Variants in TSPAN5 observed in about 807,000 individuals in gnomAD.
TSPAN5 encodes the protein tetraspanin-5.
TSPAN5 carries 10 observed loss-of-function variants against 37.1 expected under a neutral mutation model. That is an observed-to-expected ratio of 0.27 (90% CI 0.17 to 0.46). TSPAN5 has a LOEUF of 0.46. TSPAN5 is among the 20% of genes least tolerant of loss of function. The pLI is 1.00. For synonymous variants in TSPAN5, 110 were observed against 118.9 expected, an observed-to-expected ratio of 0.93 and a Z score of 0.48; for missense variants, 195 against 326.6, an observed-to-expected ratio of 0.60 and a Z score of 3.11.
chr4:98,615,273 C>A (rs986729589), intron 1 of TSPAN5, among the ~76,000 whole-genome samples: 4 of 152,192 alleles, frequency 2.6e-5, no homozygotes, highest in African/African-American at 4.8e-5. Flanking sequence ...GGACAGGCTG[C>A]CCCTGTTCAA....
chr4:98,592,391 G>A (rs1352068359), intron 1 of TSPAN5, among the ~76,000 whole-genome samples: 1 of 149,202 alleles, frequency 6.7e-6, no homozygotes, highest in African/African-American at 2.5e-5. Context: ...CAATCAGAAA[G>A]GGCCTGGTTT....
intron 2 of TSPAN5, among the ~76,000 whole-genome samples, chr4:98,490,931 A>G (rs1157639390): frequency 2.0e-5 from 3 of 152,050 alleles, no homozygotes; most frequent in Non-Finnish European, 2.9e-5. Flanking sequence ...GCGTGGCAGC[A>G]CGCGCCTGTA....
chr4:98,560,002 ATTC>A (rs1202948427), intron 1 of TSPAN5, among the ~76,000 whole-genome samples: 1 of 152,234 alleles, frequency 6.6e-6, no homozygotes, highest in Admixed American at 6.5e-5. Flanking sequence ...CTTAAAATTA[ATTC>A]TTATCATTTT....
intron 1 of TSPAN5, among the ~76,000 whole-genome samples, chr4:98,563,538 A>T (rs9992662): frequency 0.014 from 2,089 of 152,310 alleles, 38 homozygotes; most frequent in African/African-American, 0.048. Flanking sequence ...TAACGATGAC[A>T]ATGATGAAAA....
chr4:98,588,333 G>A (rs1399994268), intron 1 of TSPAN5, among the ~76,000 whole-genome samples: 1 of 151,506 alleles, frequency 6.6e-6, no homozygotes, highest in African/African-American at 2.4e-5. Context: ...ACAGAAATCT[G>A]TTTCCACCGT....
intron 2 of TSPAN5, among the ~76,000 whole-genome samples, chr4:98,504,382 A>G (rs1753427461): frequency 6.6e-6 from 1 of 152,162 alleles, no homozygotes; most frequent in South Asian, 2.1e-4. Flanking sequence ...CGAACTCAGA[A>G]ATTAACCCAA....
intron 1 of TSPAN5, among the ~76,000 whole-genome samples, chr4:98,580,007 T>TAA (rs1560545416): frequency 6.6e-6 from 1 of 152,240 alleles, no homozygotes; most frequent in East Asian, 1.9e-4. Context: ...TGTTTTGTGA[T>TAA]ATTTTAACAG....
At chr4:98,560,914 T>G (rs1435509426) in intron 1 of TSPAN5, among the ~76,000 whole-genome samples, 1 of 152,240 alleles carries the variant, frequency 6.6e-6, no homozygotes, top group Non-Finnish European at 1.5e-5. Context: ...AAAAGTGTTC[T>G]AAGCAGAAGG....
intron 1 of TSPAN5, among the ~76,000 whole-genome samples, chr4:98,657,860 CTTTCT>C (rs1421893718): frequency 1.3e-5 from 2 of 152,074 alleles, no homozygotes; most frequent in Admixed American, 6.6e-5. Flanking sequence ...CTGCCGAACC[CTTTCT>C]TTTATCTGCA....
At chr4:98,490,857 G>A (rs957135773) in intron 2 of TSPAN5, among the ~76,000 whole-genome samples, 4 of 152,086 alleles carry the variant, frequency 2.6e-5, no homozygotes, top group Non-Finnish European at 5.9e-5. Context: ...TCAGGAAATC[G>A]AGACCATCCT....
intron 1 of TSPAN5, among the ~76,000 whole-genome samples, chr4:98,558,987 A>G (rs753898625): frequency 6.6e-6 from 1 of 152,250 alleles, no homozygotes; most frequent in Non-Finnish European, 1.5e-5. Context: ...AGAATAAGCC[A>G]GAAGAAATAA....
chr4:98,630,069 A>G (rs1756706135), intron 1 of TSPAN5, among the ~76,000 whole-genome samples: 3 of 152,300 alleles, frequency 2.0e-5, no homozygotes, highest in Admixed American at 2.0e-4. Context: ...GTGGTCAGAG[A>G]TGGGCCCTGT....
intron 1 of TSPAN5, among the ~76,000 whole-genome samples, chr4:98,642,529 A>G (rs1032219835): frequency 6.6e-6 from 1 of 152,200 alleles, no homozygotes; most frequent in Non-Finnish European, 1.5e-5. Flanking sequence ...TACTACAGTA[A>G]AGAAATTTTA....
At chr4:98,559,761 C>T (rs1221553569) in intron 1 of TSPAN5, among the ~76,000 whole-genome samples, 2 of 152,164 alleles carry the variant, frequency 1.3e-5, no homozygotes, top group African/African-American at 4.8e-5. Flanking sequence ...TCCAGGTGCT[C>T]CTCTAAATTA....
intron 1 of TSPAN5, among the ~76,000 whole-genome samples, chr4:98,561,262 C>A (rs1754877282): frequency 6.6e-6 from 1 of 152,210 alleles, no homozygotes; most frequent in South Asian, 2.1e-4. Context: ...TACATCACTG[C>A]AAAAAGGACA....
At chr4:98,497,976 G>A (rs1578947830) in intron 2 of TSPAN5, among the ~76,000 whole-genome samples, 1 of 152,196 alleles carries the variant, frequency 6.6e-6, no homozygotes, top group East Asian at 1.9e-4. Context: ...TTGGAGCAGA[G>A]GAAGCTCCAG....
In TSPAN5 at chr4:98,476,427, C is replaced by T. The variant is rs771619825; in HGVS notation, c.610G>A (p.Ala204Thr). Reference protein sequence around the residue: ...DVINTQCGYDARQKPEVDQQI... With the variant: ...DVINTQCGYDTRQKPEVDQQI... ...ATTCCACTTACTGGTTTTTGCCTGG[C>T]ATCATAGCCACACTGAGTGTTGATG... The change falls in exon 6 of 8, where the codon GCC becomes ACC. Residue 204 changes from alanine (A) to threonine (T), a missense_variant. Physicochemically the swap from Ala to Thr is moderately conservative, Grantham distance 58. Transcript: ENST00000305798. 3.1e-6 allele frequency: 5 copies of T among 1,614,072 alleles called. No homozygotes were observed. The highest frequency in any genetic ancestry group is 1.3e-5 in the African/African-American group (1 of 74,922).
At chr4:98,611,497 C>A (rs989455469) in intron 1 of TSPAN5, among the ~76,000 whole-genome samples, 4 of 152,148 alleles carry the variant, frequency 2.6e-5, no homozygotes, top group Non-Finnish European at 5.9e-5. Flanking sequence ...CTATTTTTGA[C>A]AAGAAGCTGA....
intron 1 of TSPAN5, among the ~76,000 whole-genome samples, chr4:98,508,861 C>T (rs1180235169): frequency 6.6e-6 from 1 of 152,068 alleles, no homozygotes; most frequent in African/African-American, 2.4e-5. Flanking sequence ...CACTGTATTC[C>T]ATCTGCTATA....
Sources: gnomAD v4.1 joint callset for allele counts (sites outside exome capture counted in the v4.1 genomes callset) on GRCh38, gnomAD v4.1.1 for gene constraint, MANE v1.5 for transcripts, NCBI Gene and HGNC (gene_info 2026-07-23, HGNC 2026-07-21) for gene names.